Variants in AUTS2 observed in about 807,000 individuals in gnomAD.
AUTS2 encodes the protein activator of transcription and developmental regulator AUTS2.
Under a neutral mutation model 112.4 loss-of-function variants are expected in AUTS2, and 17 were observed. The observed-to-expected ratio is 0.15, with a 90% confidence interval of 0.10 to 0.23. The LOEUF is 0.23. Ranked by LOEUF, AUTS2 falls within the 10% of genes least tolerant of loss-of-function variation. The probability of loss-of-function intolerance (pLI) is 1.00; values close to 1 mark genes in which losing one functional copy is unlikely to be tolerated. For missense variants in AUTS2, 1,510 were observed against 1,701.6 expected (o/e 0.89, Z 1.98); for synonymous variants, 751 against 702.7 (o/e 1.07, Z -1.09).
intron 4 of AUTS2, among the ~76,000 whole-genome samples, chr7:70,192,955 A>C (rs1294382848): frequency 1.3e-5 from 2 of 152,238 alleles, no homozygotes; most frequent in African/African-American, 4.8e-5. Context: ...GAACCCTAGA[A>C]AAACAACCAT....
At chr7:70,718,104 G>C (rs1039161408) in intron 6 of AUTS2, among the ~76,000 whole-genome samples, 1 of 152,196 alleles carries the variant, frequency 6.6e-6, no homozygotes, top group Non-Finnish European at 1.5e-5. Flanking sequence ...TTCGTGGTCT[G>C]TCTGCTCCCT....
intron 1 of AUTS2, among the ~76,000 whole-genome samples, chr7:69,835,625 T>C (rs1396748719): frequency 6.6e-6 from 1 of 152,184 alleles, no homozygotes; most frequent in East Asian, 1.9e-4. Flanking sequence ...CCCAGGCATG[T>C]GACAAGAGCA....
At chr7:70,715,446 C>T (rs1453086837) in intron 6 of AUTS2, among the ~76,000 whole-genome samples, 2 of 152,156 alleles carry the variant, frequency 1.3e-5, no homozygotes, top group Non-Finnish European at 2.9e-5. Flanking sequence ...CTCCAGGAAG[C>T]CCTCCTACCT....
chr7:70,677,530 G>A (rs568043071), intron 5 of AUTS2, among the ~76,000 whole-genome samples: 1 of 152,182 alleles, frequency 6.6e-6, no homozygotes, highest in East Asian at 1.9e-4. Flanking sequence ...TGCCTCCTAA[G>A]TGTGTTTTCT....
chr7:69,911,038 A>T (rs1042300640), intron 2 of AUTS2, among the ~76,000 whole-genome samples: 33 of 152,204 alleles, frequency 2.2e-4, no homozygotes, highest in African/African-American at 7.7e-4. Flanking sequence ...TCTTCCCATG[A>T]CATGTGGGAA....
intron 4 of AUTS2, among the ~76,000 whole-genome samples, chr7:70,237,405 G>A (rs936677205): frequency 2.6e-5 from 4 of 152,246 alleles, no homozygotes; most frequent in East Asian, 1.9e-4. Context: ...TGGCATGGCC[G>A]CAGTTCCACC....
chr7:70,266,890 A>G (rs998650601), intron 4 of AUTS2, among the ~76,000 whole-genome samples: 2 of 152,236 alleles, frequency 1.3e-5, no homozygotes, highest in African/African-American at 2.4e-5. Context: ...ACAAATCTGC[A>G]CTTCCATGTT....
chr7:70,697,560 T>C (rs1372501638), intron 5 of AUTS2, among the ~76,000 whole-genome samples: 22 of 127,794 alleles, frequency 1.7e-4, no homozygotes, highest in Admixed American at 2.5e-4. Flanking sequence ...ACTTCAGAAT[T>C]CCCCCCCCCC....
At chr7:70,326,605 A>G (rs1457507015) in intron 4 of AUTS2, among the ~76,000 whole-genome samples, 2 of 152,220 alleles carry the variant, frequency 1.3e-5, no homozygotes, top group South Asian at 2.1e-4. Context: ...AGAAGACAGT[A>G]GAGGCCCAGG....
At chr7:69,624,728 A>G (rs752605100) in intron 1 of AUTS2, among the ~76,000 whole-genome samples, 1 of 152,170 alleles carries the variant, frequency 6.6e-6, no homozygotes, top group Admixed American at 6.5e-5. Flanking sequence ...ACTATCAACT[A>G]AACAGGTGAC....
intron 1 of AUTS2, among the ~76,000 whole-genome samples, chr7:69,704,094 C>T (rs1797946817): frequency 6.6e-6 from 1 of 152,140 alleles, no homozygotes; most frequent in African/African-American, 2.4e-5. Flanking sequence ...ACTTGTCACC[C>T]TGACTTCATT....
Position 70,634,351 on chromosome 7 carries a change from T to C in AUTS2, c.691-64218T>C, listed in dbSNP as rs139392830. Among the ~76,000 whole-genome samples the C allele has an allele frequency of 3.3e-5, 5 of 152,340 alleles. No individual in the cohort carries two copies. In the East Asian group the frequency reaches 9.6e-4, roughly 29 times the overall value. ...GAAGCCAGCACAAAGAACCTGGGTATAGTGTGCCTGGGGCTTTTATCCAGA... is the reference window on the plus strand; with the variant it reads ...GAAGCCAGCACAAAGAACCTGGGTACAGTGTGCCTGGGGCTTTTATCCAGA... On this transcript the variant is annotated intron_variant, in intron 5 of 18. Transcript: ENST00000342771.
chr7:70,477,439 C>T (rs549910395), intron 5 of AUTS2, among the ~76,000 whole-genome samples: 1 of 152,140 alleles, frequency 6.6e-6, no homozygotes, highest in African/African-American at 2.4e-5. Flanking sequence ...AGACTCCCTC[C>T]GTTACTCAGG....
At chr7:69,747,593 A>G (rs1787546953) in intron 1 of AUTS2, among the ~76,000 whole-genome samples, 1 of 152,214 alleles carries the variant, frequency 6.6e-6, no homozygotes, top group Non-Finnish European at 1.5e-5. Context: ...TGGCTTATTC[A>G]TGATCACGCA....
intron 2 of AUTS2, among the ~76,000 whole-genome samples, chr7:70,068,050 T>G (rs959345907): frequency 1.3e-5 from 2 of 152,104 alleles, no homozygotes; most frequent in African/African-American, 4.8e-5. Context: ...CATATAATAA[T>G]ATTTGAATTA....
At chr7:69,633,993 A>T (rs1794398563) in intron 1 of AUTS2, among the ~76,000 whole-genome samples, 1 of 151,894 alleles carries the variant, frequency 6.6e-6, no homozygotes, top group Non-Finnish European at 1.5e-5. Context: ...AGCTTTTGTT[A>T]TGTTATCCAA....
intron 1 of AUTS2, among the ~76,000 whole-genome samples, chr7:69,656,459 C>CT (rs923314460): frequency 1.1e-4 from 16 of 151,800 alleles, no homozygotes; most frequent in East Asian, 5.8e-4. Context: ...AATTTGCTTA[C>CT]TTTTTTTTTC....
At position 70,649,085 on chromosome 7, in the gene AUTS2, C is replaced by T. The variant is rs185433041; in HGVS notation, c.691-49484C>T. Reference sequence around the variant, plus strand: ...GTCAACCTCAGCTTACGGAAAGAAGCTGACATGTCAAAATAAGAAGAATAG... The same window carrying T: ...GTCAACCTCAGCTTACGGAAAGAAGTTGACATGTCAAAATAAGAAGAATAG... On this transcript the variant is annotated intron_variant, in intron 5 of 18. Coordinates refer to ENST00000342771, the MANE Select transcript of AUTS2 (RefSeq NM_015570.4). Among the ~76,000 whole-genome samples, 136 of 152,108 alleles carry T rather than the reference C, an allele frequency of 8.9e-4. 1 individual carries two copies. Among genetic ancestry groups the T allele is most frequent in the African/African-American group, 2.7e-3 (111 of 41,424 alleles).
chr7:70,404,079 T>C (rs1372308562), intron 4 of AUTS2, among the ~76,000 whole-genome samples: 1 of 152,230 alleles, frequency 6.6e-6, no homozygotes, highest in African/African-American at 2.4e-5. Flanking sequence ...ATCTTCCATA[T>C]GTATTTTTCT....
Sources: gnomAD v4.1 joint callset for allele counts (sites outside exome capture counted in the v4.1 genomes callset) on GRCh38, gnomAD v4.1.1 for gene constraint, MANE v1.5 for transcripts, NCBI Gene and HGNC (gene_info 2026-07-23, HGNC 2026-07-21) for gene names.